SLC48A1: variants seen among roughly 807,000 people sequenced by gnomAD.
SLC48A1 encodes the protein solute carrier family 48 member 1, also known as heme transporter HRG1.
A neutral mutation model predicts 14.8 loss-of-function variants in SLC48A1; 6 were observed. The observed-to-expected ratio is 0.41, with a 90% CI of 0.22 to 0.80. SLC48A1 has a LOEUF of 0.80. SLC48A1 is among the 30% of genes least tolerant of loss of function. SLC48A1 has a pLI of 0.34. For synonymous variants in SLC48A1, 89 were observed against 90.0 expected (o/e 0.99, Z 0.06); for missense variants, 165 against 204.8 (o/e 0.81, Z 1.19).
rs1364501793 is a variant in SLC48A1 at position 47,780,960 on chromosome 12, G to GACCT, written c.*681_*684dup. 1.9e-6 allele frequency: 1 copy of GACCT among 528,848 alleles called. No homozygotes were observed. Among genetic ancestry groups the GACCT allele is most frequent in the East Asian group, 5.5e-5 (1 of 18,298 alleles). 32.8% of individuals were successfully genotyped at this position (528,848 alleles called of 1,614,324 possible). On this transcript the variant is annotated 3_prime_UTR_variant, in exon 3 of 3. Coordinates refer to ENST00000442218, the MANE Select transcript of SLC48A1 (RefSeq NM_017842.3). ...TCAAGGTGTAGGGCCATGAGGCCTG[G>GACCT]ACCTATGCTGCAGGCAAGGGTTTCC...
chr12:47,759,353 G>A (rs1401777448), intron 1 of SLC48A1, among the ~76,000 whole-genome samples: 1 of 147,274 alleles, frequency 6.8e-6, no homozygotes, highest in African/African-American at 2.5e-5. Flanking sequence ...GCTTTCCCGC[G>A]GGGAATCCCG....
intron 1 of SLC48A1, among the ~76,000 whole-genome samples, 159 bp downstream of exon 1, chr12:47,773,599 C>G (rs1286203647): frequency 6.6e-6 from 1 of 150,454 alleles, no homozygotes; most frequent in Non-Finnish European, 1.5e-5. Flanking sequence ...CACGCGGGCC[C>G]GGGCTCCTGG....
chr12:47,770,797 C>T, upstream of SLC48A1: 1 of 456,676 alleles, frequency 2.2e-6, no homozygotes, highest in South Asian at 1.5e-5. Flanking sequence ...CAGAACCTTT[C>T]TAATCTCCAA....
chr12:47,771,825 C>T (rs1329227583), upstream of SLC48A1, among the ~76,000 whole-genome samples: 1 of 151,798 alleles, frequency 6.6e-6, no homozygotes. Context: ...CCCAACTTCT[C>T]GGGAGGCTGA....
At chr12:47,771,785 T>C (rs900331139), upstream of SLC48A1, among the ~76,000 whole-genome samples, 2 of 151,306 alleles carry the variant, frequency 1.3e-5, no homozygotes, top group African/African-American at 2.4e-5. Flanking sequence ...ATACAAAAAT[T>C]AGCTGGGTGT....
intron 1 of SLC48A1, among the ~76,000 whole-genome samples, chr12:47,759,717 C>T (rs1430492132): frequency 2.6e-5 from 4 of 152,222 alleles, no homozygotes; most frequent in Non-Finnish European, 5.9e-5. Flanking sequence ...CGCCCCACTC[C>T]TGAGAGGGTG....
In SLC48A1 at chr12:47,779,099, G is replaced by A. The variant is rs1300643051; in HGVS notation, c.208G>A (p.Gly70Arg). ...MQDYWRTWLK[G>R]LRGFFFVGVL... ...AGATTATTGGAGGACCTGGCTCAAG[G>A]GGCTGCGCGGCTTCTTCTTCGTGGG... The change falls in exon 2 of 3, where the codon GGG becomes AGG. Residue 70 changes from glycine to arginine, a missense_variant. By Grantham distance (125) the Gly-to-Arg change is moderately radical. Coordinates refer to ENST00000442218, the MANE Select transcript of SLC48A1 (RefSeq NM_017842.3). 2.6e-6 allele frequency: 4 copies of A among 1,551,760 alleles called. No individual in the cohort carries two copies. In the Admixed American group the frequency reaches 7.8e-5, roughly 30 times the overall value.
upstream of SLC48A1, among the ~76,000 whole-genome samples, chr12:47,767,273 C>T (rs890799636): frequency 3.9e-5 from 6 of 152,164 alleles, no homozygotes; most frequent in Non-Finnish European, 5.9e-5. Context: ...GGTACACAAG[C>T]TACCAGTCCA....
chr12:47,759,473 G>A (rs1392130587), intron 1 of SLC48A1, among the ~76,000 whole-genome samples: 1 of 152,260 alleles, frequency 6.6e-6, no homozygotes, highest in African/African-American at 2.4e-5. Flanking sequence ...AGGAAGGACT[G>A]CTCTCCAGAA....
At chr12:47,769,424 T>C (rs1027113959), upstream of SLC48A1, 1 of 152,244 alleles carries the variant, frequency 6.6e-6, no homozygotes, top group Non-Finnish European at 1.5e-5. Flanking sequence ...CCATGTGCTT[T>C]ATGGCTCAAC....
At chr12:47,766,702 T>C (rs989421922), upstream of SLC48A1, among the ~76,000 whole-genome samples, 1 of 151,584 alleles carries the variant, frequency 6.6e-6, no homozygotes, top group African/African-American at 2.4e-5. Context: ...TCTTAGCTCC[T>C]GAGTTCAAAG....
At chr12:47,758,264 G>T, upstream of SLC48A1, 1 of 1,431,164 alleles carries the variant, frequency 7.0e-7, no homozygotes, top group Non-Finnish European at 9.1e-7. Flanking sequence ...CCGGTCTGGC[G>T]CACTTAGGGG....
intron 1 of SLC48A1, chr12:47,758,730 C>G (rs1298753779): frequency 7.4e-7 from 1 of 1,345,582 alleles, no homozygotes; most frequent in Non-Finnish European, 9.6e-7. Flanking sequence ...GGATGCAGGG[C>G]TCGGTGGAGA....
chr12:47,757,291 C>G (rs750216794), upstream of SLC48A1, among the ~76,000 whole-genome samples: 4 of 152,128 alleles, frequency 2.6e-5, no homozygotes, highest in Non-Finnish European at 5.9e-5. Context: ...TCTTTCAGGT[C>G]CAGAGATGTT....
chr12:47,756,528 C>G (rs747355950), upstream of SLC48A1: 1 of 152,130 alleles, frequency 6.6e-6, no homozygotes, highest in Non-Finnish European at 1.5e-5. Flanking sequence ...TGTGGACTCT[C>G]CTCTCAATTC....
chr12:47,774,880 T>C (rs1237598652), intron 1 of SLC48A1, among the ~76,000 whole-genome samples: 1 of 152,222 alleles, frequency 6.6e-6, no homozygotes, highest in African/African-American at 2.4e-5. Context: ...TCCATGTTTG[T>C]CAAGGTTCAC....
chr12:47,766,178 C>T (rs566533411), intron 2 of SLC48A1, among the ~76,000 whole-genome samples: 5 of 152,212 alleles, frequency 3.3e-5, no homozygotes, highest in African/African-American at 4.8e-5. Flanking sequence ...GGGGGACCCA[C>T]GTGCACTGAT....
chr12:47,773,123 C>A, upstream of SLC48A1: 1 of 900,052 alleles, frequency 1.1e-6, no homozygotes, highest in South Asian at 4.9e-5. Flanking sequence ...GTCTGCGGTT[C>A]CGGGCGCGGG....
At chr12:47,757,937 G>A (rs145368111), upstream of SLC48A1, 23 of 1,557,366 alleles carry the variant, frequency 1.5e-5, no homozygotes, top group African/African-American at 1.2e-4. Flanking sequence ...CTTCGGGGCC[G>A]GTGCATCCTT....
Sources: allele counts gnomAD v4.1 joint callset (sites outside exome capture counted in the v4.1 genomes callset), GRCh38; gene constraint gnomAD v4.1.1; transcripts MANE v1.5; gene names NCBI Gene and HGNC (gene_info 2026-07-23, HGNC 2026-07-21).